MAML1: variants seen among roughly 807,000 people sequenced by gnomAD.
MAML1 encodes mastermind-like protein 1.
A neutral mutation model predicts 77.1 loss-of-function variants in MAML1; 14 were observed. The observed-to-expected ratio is 0.18, with a 90% CI of 0.12 to 0.28. The LOEUF is 0.28. Ranked by LOEUF, MAML1 falls within the 10% of genes least tolerant of loss-of-function variation. The pLI, the probability that MAML1 is intolerant of heterozygous loss-of-function variation, is 1.00. For synonymous variants in MAML1, 516 were observed against 551.9 expected (o/e 0.93, Z 0.91); for missense variants, 1,217 against 1,327.8 (o/e 0.92, Z 1.30).
chr5:179,769,216 C>T lies in MAML1; in HGVS notation c.1971+127C>T, dbSNP rs191418171. ...GACTTGCGTGCCTGTTGTTAGAGTGCTTTGCCTTTTAAAAACATCTTTCCA... is the reference window on the plus strand; with the variant it reads ...GACTTGCGTGCCTGTTGTTAGAGTGTTTTGCCTTTTAAAAACATCTTTCCA... On this transcript the variant is annotated intron_variant, in intron 3 of 4. Coordinates refer to ENST00000292599, the MANE Select transcript of MAML1 (RefSeq NM_014757.5). This position sits in a 1 kb window ranked among gnomAD's most constrained non-coding sequence, Gnocchi z 4.2. 3,930 of 1,348,926 alleles carry T rather than the reference C, an allele frequency of 2.9e-3. 15 individuals carry two copies. Among genetic ancestry groups the T allele is most frequent in the Middle Eastern group, 3.6e-3 (14 of 3,840 alleles). 83.6% of individuals were successfully genotyped at this position (1,348,926 alleles called of 1,614,324 possible).
chr5:179,756,328 G>A (rs1032408580), intron 1 of MAML1, among the ~76,000 whole-genome samples: 1 of 151,704 alleles, frequency 6.6e-6, no homozygotes, highest in African/African-American at 2.4e-5. Flanking sequence ...GGGAGGCTGA[G>A]GCGGGGGAGT....
At chr5:179,753,012 A>C (rs552269084) in intron 1 of MAML1, among the ~76,000 whole-genome samples, 2 of 152,202 alleles carry the variant, frequency 1.3e-5, no homozygotes, top group East Asian at 3.9e-4. Flanking sequence ...ACCTCAGGTG[A>C]TCCGCCCGTC....
At position 179,774,061 on chromosome 5, in the gene MAML1, C is replaced by A; in HGVS notation, c.2235C>A (p.Phe745Leu). 6.2e-7 allele frequency: 1 copy of A among 1,614,162 alleles called. No individual in the cohort carries two copies. The highest frequency in any genetic ancestry group is 8.5e-7 in the Non-Finnish European group (1 of 1,180,050). The part of the protein sequence containing the change: ...SGQQDRGVAQ[F>L]PGSQNMPQSS... ...AACAGGACCGGGGTGTGGCTCAGTTCCCTGGCTCCCAAAACATGCCTCAGA... is the reference window on the plus strand; with the variant it reads ...AACAGGACCGGGGTGTGGCTCAGTTACCTGGCTCCCAAAACATGCCTCAGA... Residue 745 changes from phenylalanine to leucine, a missense_variant, in exon 5 of 5, where the codon TTC becomes TTA. Transcript: ENST00000292599.
chr5:179,769,193 C>CT lies in MAML1; in HGVS notation c.1971+106dup. 1 of 1,481,774 alleles carries CT rather than the reference C, an allele frequency of 6.7e-7. No individual in the cohort carries two copies. The highest frequency in any genetic ancestry group is 9.2e-7 in the Non-Finnish European group (1 of 1,090,796). The allele number at this position is 1,481,774 out of a possible 1,614,324, so 91.8% of individuals were successfully genotyped here. ...GCTTGTGCGTGTGGATTTGCGCAGA[C>CT]TTGCGTGCCTGTTGTTAGAGTGCTT... On this transcript the variant is annotated intron_variant, in intron 3 of 4. Coordinates refer to ENST00000292599, the MANE Select transcript of MAML1 (RefSeq NM_014757.5). The surrounding 1 kb of genome is among the most constrained non-coding windows in gnomAD (Gnocchi z 4.2).
Position 179,765,808 on chromosome 5 carries a change from C to T in MAML1, c.798C>T (p.Asp266=). 6.2e-7 allele frequency: 1 copy of T among 1,614,198 alleles called. No homozygotes were observed. ...EELNRSVPDE[D]MKDLFNEDFE... The stretch of plus-strand genomic sequence containing the variant: ...TGAACAGGTCGGTGCCCGATGAAGA[C>T]ATGAAGGACCTGTTTAATGAGGACT... The change falls in exon 2 of 5, where the codon GAC becomes GAT. Residue 266 remains aspartate, a synonymous_variant. Transcript: ENST00000292599.
Position 179,744,630 on chromosome 5 carries a change from G to A in MAML1, c.315+11203G>A, listed in dbSNP as rs559584612. Among the ~76,000 whole-genome samples the A allele has an allele frequency of 5.3e-5, 8 of 151,308 alleles. No individual in the cohort carries two copies. In the East Asian group the frequency reaches 7.8e-4, roughly 15 times the overall value. ...TGGCTCACTGCAACCTCCGCCTCCC[G>A]GGTTCAAGCAGTTCTGCCTCAGCCT... is the stretch of plus-strand genomic sequence containing the variant. On this transcript the variant is annotated intron_variant, in intron 1 of 4. Coordinates refer to ENST00000292599, the MANE Select transcript of MAML1 (RefSeq NM_014757.5).
intron 1 of MAML1, among the ~76,000 whole-genome samples, chr5:179,753,654 A>ATT (rs1209995171): frequency 0.18 from 16,145 of 88,320 alleles, 1,948 homozygotes; most frequent in Non-Finnish European, 0.23. Flanking sequence ...TATTATTATT[A>ATT]TTTTTTTTTT....
chr5:179,752,741 C>T (rs1432076094), intron 1 of MAML1, among the ~76,000 whole-genome samples: 3 of 150,286 alleles, frequency 2.0e-5, no homozygotes, highest in Non-Finnish European at 4.4e-5. Flanking sequence ...GGATATTACT[C>T]TTTATGTCCT....
At chr5:179,743,660 C>T (rs368528676) in intron 1 of MAML1, among the ~76,000 whole-genome samples, 273 of 152,058 alleles carry the variant, frequency 1.8e-3, no homozygotes, top group Non-Finnish European at 2.6e-3. Context: ...CCACTGCGCC[C>T]GGCCCTCGCT....
chr5:179,776,854 A>C lies in MAML1; in HGVS notation c.*1977A>C, dbSNP rs1017092205. On this transcript the variant is annotated 3_prime_UTR_variant, in exon 5 of 5. Coordinates refer to ENST00000292599, the MANE Select transcript of MAML1 (RefSeq NM_014757.5). The stretch of plus-strand genomic sequence containing the variant: ...CCCCCAGGGAGCTGCCCATGGCTTT[A>C]TTTATGAACCTGGTTTTCGGGAGTC... 4 of 985,762 alleles carry C rather than the reference A, an allele frequency of 4.1e-6. No homozygotes were observed. The highest frequency in any genetic ancestry group is 1.2e-4 in the Admixed American group (2 of 16,262). 61.1% of individuals were successfully genotyped at this position (985,762 alleles called of 1,614,324 possible). A position where few individuals can be genotyped will look rare whatever the true frequency, so the allele number is the denominator to read the frequency against.
chr5:179,741,137 C>G (rs943283519), intron 1 of MAML1, among the ~76,000 whole-genome samples: 30 of 152,136 alleles, frequency 2.0e-4, no homozygotes, highest in African/African-American at 7.0e-4. Flanking sequence ...TTTCCCTAAC[C>G]CAGTCATCCA....
At chr5:179,773,427 GTCTC>G (rs1756047011) in intron 4 of MAML1, among the ~76,000 whole-genome samples, 1 of 152,236 alleles carries the variant, frequency 6.6e-6, no homozygotes, top group Non-Finnish European at 1.5e-5. Context: ...ATTCATCACT[GTCTC>G]TCTCAAGCCT....
rs868087251 is a variant in MAML1 at position 179,753,226 on chromosome 5, C to T, written c.316-12100C>T. On this transcript the variant is annotated intron_variant, in intron 1 of 4. Coordinates refer to ENST00000292599, the MANE Select transcript of MAML1 (RefSeq NM_014757.5). Reference sequence around the variant, plus strand: ...GTGTGTGTGTGTGTGTGTGTGTGCGCGCGCGCGCGCGCGTGCTGGGGTGAA... The same window carrying T: ...GTGTGTGTGTGTGTGTGTGTGTGCGTGCGCGCGCGCGCGTGCTGGGGTGAA... 2.6e-3 allele frequency among the ~76,000 whole-genome samples: 373 copies of T among 144,000 alleles called. 4 individuals are homozygous for T. The highest frequency in any genetic ancestry group is 9.3e-3 in the African/African-American group (349 of 37,400). 94.5% of individuals were successfully genotyped at this position (144,000 alleles called of 152,430 possible).
Position 179,771,117 on chromosome 5 carries a change from T to C in MAML1, c.1972-30T>C. On this transcript the variant is annotated intron_variant, in intron 3 of 4. Coordinates refer to ENST00000292599, the MANE Select transcript of MAML1 (RefSeq NM_014757.5). This position sits in a 1 kb window ranked among gnomAD's most constrained non-coding sequence, Gnocchi z 4.7. ...TGTTTTGGATTTTGTTATATGTTGG[T>C]TTTGTTTTGTTGTTCTTGGCATTTT... The C allele has an allele frequency of 6.3e-7, 1 of 1,580,072 alleles. No individual in the cohort carries two copies. Among genetic ancestry groups the C allele is most frequent in the South Asian group, 1.1e-5 (1 of 90,392 alleles).
Position 179,775,351 on chromosome 5 carries a change from T to C in MAML1, c.*474T>C. On this transcript the variant is annotated 3_prime_UTR_variant, in exon 5 of 5. Coordinates refer to ENST00000292599, the MANE Select transcript of MAML1 (RefSeq NM_014757.5). ...GATTTTTAAATTTTTTTACAAAAGG[T>C]TTTTAAACAGATTAGGGTAGGTGAT... 1 of 985,772 alleles carries C rather than the reference T, an allele frequency of 1.0e-6. No homozygotes were observed. Among genetic ancestry groups the C allele is most frequent in the Non-Finnish European group, 1.2e-6 (1 of 830,080 alleles). The allele number at this position is 985,772 out of a possible 1,614,324, so 61.1% of individuals were successfully genotyped here.
chr5:179,733,355 GGCCCCGGCGCCCGCC>G lies in MAML1; in HGVS notation c.252_266del (p.Ala86_Pro90del), dbSNP rs1454317271. On this transcript the variant is annotated inframe_deletion, in exon 1 of 5. Coordinates refer to ENST00000292599, the MANE Select transcript of MAML1 (RefSeq NM_014757.5). ...AGCACAGGCAGCCGCCCGCCGCCAC[GGCCCCGGCGCCCGCC>G]GCCCCGGCCCCGCGCCTGGACGCCG... 10 of 1,260,904 alleles carry G rather than the reference GGCCCCGGCGCCCGCC, an allele frequency of 7.9e-6. No individual in the cohort carries two copies. Among genetic ancestry groups the G allele is most frequent in the South Asian group, 2.4e-5 (1 of 40,952 alleles). The allele number at this position is 1,260,904 out of a possible 1,614,324, so 78.1% of individuals were successfully genotyped here.
rs962434791 is a variant in MAML1 at position 179,776,905 on chromosome 5, T to C, written c.*2028T>C. The C allele has an allele frequency of 2.2e-5, 22 of 985,798 alleles. No homozygotes were observed. Among genetic ancestry groups the C allele is most frequent in the Non-Finnish European group, 2.7e-5 (22 of 829,952 alleles). 61.1% of individuals were successfully genotyped at this position (985,798 alleles called of 1,614,324 possible). A position where few individuals can be genotyped will look rare whatever the true frequency, so the allele number is the denominator to read the frequency against. On this transcript the variant is annotated 3_prime_UTR_variant, in exon 5 of 5. Coordinates refer to ENST00000292599, the MANE Select transcript of MAML1 (RefSeq NM_014757.5). ...AGGGGAGGAGATGACTTTGCTTCTG[T>C]GCACAGCCCCGTCTTCCAGGAGCCA...
chr5:179,742,840 A>C (rs1779308251), intron 1 of MAML1, among the ~76,000 whole-genome samples: 1 of 152,142 alleles, frequency 6.6e-6, no homozygotes, highest in Non-Finnish European at 1.5e-5. Context: ...CAAATCTTTA[A>C]TATGCGGCTA....
At chr5:179,755,273 C>G (rs186028707) in intron 1 of MAML1, among the ~76,000 whole-genome samples, 1 of 152,136 alleles carries the variant, frequency 6.6e-6, no homozygotes, top group Non-Finnish European at 1.5e-5. Context: ...GAGAGCGAGC[C>G]TGGGAAACAA....
Sources: allele counts gnomAD v4.1 joint callset (sites outside exome capture counted in the v4.1 genomes callset), GRCh38; gene constraint gnomAD v4.1.1; non-coding constraint Gnocchi (gnomAD v3.1); transcripts MANE v1.5; gene names NCBI Gene and HGNC (gene_info 2026-07-23, HGNC 2026-07-21).